CIMIP7: variants seen among roughly 807,000 people sequenced by gnomAD.
CIMIP7 encodes uncharacterized protein C3orf84.
the CIMIP7 span, among the ~76,000 whole-genome samples, chr3:49,187,402 C>T: frequency 6.6e-6 from 1 of 152,118 alleles, no homozygotes; most frequent in African/African-American, 2.4e-5. Context: ...CTAAGGGCCC[C>T]TGTGGAGGCT....
the CIMIP7 span, among the ~76,000 whole-genome samples, chr3:49,181,588 G>A: frequency 1.3e-5 from 2 of 152,268 alleles, no homozygotes; most frequent in African/African-American, 2.4e-5. Context: ...AGCTTAAGAG[G>A]TCAAGGGTGC....
chr3:49,184,023 A>G, the CIMIP7 span, among the ~76,000 whole-genome samples: 1 of 152,224 alleles, frequency 6.6e-6, no homozygotes, highest in Non-Finnish European at 1.5e-5. Flanking sequence ...TTTTGAGACA[A>G]GGTCTCACTC....
chr3:49,178,767 T>C, the CIMIP7 span, among the ~76,000 whole-genome samples: 1 of 152,108 alleles, frequency 6.6e-6, no homozygotes, highest in East Asian at 1.9e-4. Context: ...GTGGAACCCT[T>C]ATTGAGGAGG....
the CIMIP7 span, chr3:49,178,122 C>T: frequency 7.1e-7 from 1 of 1,409,704 alleles, no homozygotes; most frequent in Non-Finnish European, 9.4e-7. Context: ...CTCCTAACCC[C>T]AAGTCTGCTT....
the CIMIP7 span, among the ~76,000 whole-genome samples, chr3:49,190,706 G>C: frequency 1.6e-5 from 2 of 121,946 alleles, no homozygotes; most frequent in African/African-American, 6.4e-5. Flanking sequence ...GTCTTGCTCT[G>C]TCTGCAGGCT....
chr3:49,190,142 T>C, the CIMIP7 span: 21 of 1,589,666 alleles, frequency 1.3e-5, no homozygotes, highest in Non-Finnish European at 1.4e-5. Context: ...TGTTGTGCTA[T>C]AACAAGACAG....
At chr3:49,187,688 G>A in the CIMIP7 span, among the ~76,000 whole-genome samples, 4 of 152,142 alleles carry the variant, frequency 2.6e-5, no homozygotes, top group South Asian at 8.3e-4. Flanking sequence ...ACAAACCAAA[G>A]GAGAGTGGAT....
At chr3:49,180,196 A>C in the CIMIP7 span, among the ~76,000 whole-genome samples, 1 of 152,292 alleles carries the variant, frequency 6.6e-6, no homozygotes, top group African/African-American at 2.4e-5. Context: ...GAATTGCTTA[A>C]ACCTGGGAGG....
At chr3:49,186,585 C>T in the CIMIP7 span, among the ~76,000 whole-genome samples, 8 of 152,008 alleles carry the variant, frequency 5.3e-5, no homozygotes, top group East Asian at 1.2e-3. Flanking sequence ...TTGTATTTTT[C>T]GTAGAGATGG....
chr3:49,181,699 C>T, the CIMIP7 span, among the ~76,000 whole-genome samples: 9 of 152,302 alleles, frequency 5.9e-5, 1 homozygote, highest in South Asian at 1.9e-3. Flanking sequence ...AAGGAAGTCT[C>T]TCAACTCAAC....
the CIMIP7 span, chr3:49,189,972 G>A: frequency 4.5e-6 from 6 of 1,340,284 alleles, no homozygotes; most frequent in African/African-American, 2.9e-5. Flanking sequence ...TGGGTTCTGG[G>A]AGAGGCAAGA....
the CIMIP7 span, among the ~76,000 whole-genome samples, chr3:49,185,689 CT>C: frequency 6.4e-3 from 916 of 142,754 alleles, 1 homozygote; most frequent in East Asian, 0.011. Flanking sequence ...AATTTTAAAG[CT>C]TTTTTTTTTT....
At chr3:49,184,753 C>T in the CIMIP7 span, among the ~76,000 whole-genome samples, 5 of 151,600 alleles carry the variant, frequency 3.3e-5, no homozygotes, top group Non-Finnish European at 5.9e-5. Context: ...CTCAGCCTCC[C>T]GAGTAGCTAT....
At chr3:49,188,488 A>G in the CIMIP7 span, among the ~76,000 whole-genome samples, 3 of 152,106 alleles carry the variant, frequency 2.0e-5, no homozygotes, top group African/African-American at 7.2e-5. Flanking sequence ...AGGAAAAGAG[A>G]GAGGAGGTGT....
chr3:49,181,215 G>A, the CIMIP7 span, among the ~76,000 whole-genome samples: 38 of 151,726 alleles, frequency 2.5e-4, no homozygotes, highest in Non-Finnish European at 4.0e-4. Context: ...GGTGGTGGGC[G>A]CCTGTAATCC....
At chr3:49,185,572 C>CA in the CIMIP7 span, among the ~76,000 whole-genome samples, 6 of 151,426 alleles carry the variant, frequency 4.0e-5, no homozygotes, top group African/African-American at 9.7e-5. Context: ...AAAAACAAAA[C>CA]AAAAAAACAA....
the CIMIP7 span, chr3:49,191,855 A>T: frequency 6.9e-5 from 95 of 1,370,322 alleles, no homozygotes; most frequent in Admixed American, 9.9e-5. Flanking sequence ...CTGGAGGTCA[A>T]TTTTTTGTTG....
the CIMIP7 span, among the ~76,000 whole-genome samples, chr3:49,180,420 C>T: frequency 1.3e-5 from 2 of 152,182 alleles, no homozygotes; most frequent in African/African-American, 4.8e-5. Context: ...CACCTTCTTG[C>T]CTTTGTGCTT....
At chr3:49,182,036 G>T in the CIMIP7 span, among the ~76,000 whole-genome samples, 4 of 152,042 alleles carry the variant, frequency 2.6e-5, no homozygotes, top group African/African-American at 9.7e-5. Context: ...GGAGTTGTTC[G>T]TTCCTCCGGG....
Sources: allele counts gnomAD v4.1 joint callset (sites outside exome capture counted in the v4.1 genomes callset), GRCh38; gene constraint gnomAD v4.1.1; transcripts MANE v1.5; gene names NCBI Gene and HGNC (gene_info 2026-07-23, HGNC 2026-07-21).